SLC25A26: variants seen among roughly 807,000 people sequenced by gnomAD.
SLC25A26 encodes the protein solute carrier family 25 member 26.
SLC25A26 carries 36 observed loss-of-function variants against 37.8 expected under a neutral mutation model. The ratio of observed to expected loss-of-function variants is 0.95; its 90% CI spans 0.73 to 1.26. SLC25A26 has a LOEUF of 1.26. SLC25A26 is among the 50% of genes most tolerant of loss of function. The pLI is 0.00. For synonymous variants in SLC25A26, 129 were observed against 122.5 expected, an observed-to-expected ratio of 1.05 and a Z score of -0.35; for missense variants, 390 against 331.1, an observed-to-expected ratio of 1.18 and a Z score of -1.38.
At chr3:66,291,173 C>A (rs181248289) in intron 5 of SLC25A26, among the ~76,000 whole-genome samples, 1 of 151,956 alleles carries the variant, frequency 6.6e-6, no homozygotes, top group Non-Finnish European at 1.5e-5. Context: ...CCCTTTATCA[C>A]TTTTTATTGT....
At chr3:66,311,948 C>G (rs2075390653) in intron 5 of SLC25A26, among the ~76,000 whole-genome samples, 1 of 152,132 alleles carries the variant, frequency 6.6e-6, no homozygotes, top group African/African-American at 2.4e-5. Flanking sequence ...GGAGGTGTCT[C>G]CCCATCAGGA....
chr3:66,270,685 G>A (rs1056108368), intron 5 of SLC25A26, among the ~76,000 whole-genome samples: 2 of 152,104 alleles, frequency 1.3e-5, no homozygotes, highest in Non-Finnish European at 2.9e-5. Flanking sequence ...ATGAATGCTG[G>A]TTCATTTGAT....
At chr3:66,227,829 C>CA (rs2071827765) in intron 1 of SLC25A26, among the ~76,000 whole-genome samples, 2 of 152,034 alleles carry the variant, frequency 1.3e-5, no homozygotes, top group South Asian at 4.2e-4. Context: ...GTTATGATGG[C>CA]AGGGGTTCTT....
At chr3:66,173,245 T>C (rs1230314606) in intron 1 of SLC25A26, among the ~76,000 whole-genome samples, 1 of 152,108 alleles carries the variant, frequency 6.6e-6, no homozygotes, top group East Asian at 1.9e-4. Flanking sequence ...TGTCTGGGGA[T>C]TGGAAGATTC....
At chr3:66,300,206 C>G (rs1341821419) in intron 5 of SLC25A26, among the ~76,000 whole-genome samples, 1 of 150,364 alleles carries the variant, frequency 6.7e-6, no homozygotes, top group Non-Finnish European at 1.5e-5. Context: ...TAGCTTAAAT[C>G]CCGTTACAGT....
intron 1 of SLC25A26, among the ~76,000 whole-genome samples, chr3:66,150,623 T>TCATG: frequency 1.6e-5 from 1 of 63,322 alleles, no homozygotes; most frequent in African/African-American, 7.1e-5. Flanking sequence ...TATATATATA[T>TCATG]ATATATATAT....
intron 5 of SLC25A26, among the ~76,000 whole-genome samples, chr3:66,294,017 C>A (rs1401400435): frequency 6.6e-6 from 1 of 151,700 alleles, no homozygotes; most frequent in African/African-American, 2.4e-5. Flanking sequence ...TTTTTTGTTC[C>A]ATATGAATTT....
At chr3:66,164,076 A>G (rs2070394395) in intron 1 of SLC25A26, among the ~76,000 whole-genome samples, 2 of 152,224 alleles carry the variant, frequency 1.3e-5, no homozygotes, top group Non-Finnish European at 2.9e-5. Flanking sequence ...ATTAATACTT[A>G]AAACTTCATT....
At chr3:66,373,850 A>T (rs965817328) in intron 9 of SLC25A26, among the ~76,000 whole-genome samples, 2 of 152,084 alleles carry the variant, frequency 1.3e-5, no homozygotes, top group African/African-American at 4.8e-5. Context: ...CATTTTCCTT[A>T]GAAGTGCCAA....
chr3:66,180,605 G>C (rs1250215166), intron 1 of SLC25A26, among the ~76,000 whole-genome samples: 1 of 152,122 alleles, frequency 6.6e-6, no homozygotes, highest in Non-Finnish European at 1.5e-5. Context: ...GAGCTGCTTG[G>C]CATTATGGGA....
chr3:66,326,698 C>T lies in SLC25A26; in HGVS notation c.454-19666C>T, dbSNP rs576673460. Among the ~76,000 whole-genome samples, 4 of 152,300 alleles carry T rather than the reference C, an allele frequency of 2.6e-5. No individual in the cohort carries two copies. In the East Asian group the frequency reaches 7.7e-4, roughly 29 times the overall value. On this transcript the variant is annotated intron_variant, in intron 5 of 9. Coordinates refer to ENST00000354883, the MANE Select transcript of SLC25A26 (RefSeq NM_001379210.1). ...GTGCACGCACGCCTCTTGCTTCCTG[C>T]CTCCAATTTTCCACCCCCACACCCT... is the stretch of plus-strand genomic sequence containing the variant.
chr3:66,260,106 A>G (rs2073464238), intron 3 of SLC25A26, among the ~76,000 whole-genome samples: 1 of 152,070 alleles, frequency 6.6e-6, no homozygotes, highest in South Asian at 2.1e-4. Flanking sequence ...AAGGTTCTAT[A>G]ATGGTGTAAT....
At chr3:66,152,101 GA>G (rs2106693830) in intron 1 of SLC25A26, among the ~76,000 whole-genome samples, 1 of 152,274 alleles carries the variant, frequency 6.6e-6, no homozygotes, top group African/African-American at 2.4e-5. Flanking sequence ...CAGTGCTTGA[GA>G]GATCCGTTAT....
intron 6 of SLC25A26, among the ~76,000 whole-genome samples, chr3:66,352,629 G>GA (rs531163258): frequency 1.6e-4 from 25 of 151,904 alleles, no homozygotes; most frequent in African/African-American, 5.1e-4. Context: ...ATGATGTTTT[G>GA]AAATATATAA....
chr3:66,276,491 A>G (rs1440966991), intron 5 of SLC25A26, among the ~76,000 whole-genome samples: 1 of 152,142 alleles, frequency 6.6e-6, no homozygotes, highest in Non-Finnish European at 1.5e-5. Flanking sequence ...AGAGGATTCT[A>G]AAGGATAGAA....
chr3:66,143,586 T>TA (rs1036568942), intron 1 of SLC25A26, among the ~76,000 whole-genome samples: 29 of 150,856 alleles, frequency 1.9e-4, no homozygotes, highest in East Asian at 1.4e-3. Context: ...GTCCCTCGTT[T>TA]AAAAAAAAAA....
chr3:66,298,498 A>G (rs1290707688), intron 5 of SLC25A26, among the ~76,000 whole-genome samples: 1 of 152,200 alleles, frequency 6.6e-6, no homozygotes, highest in Non-Finnish European at 1.5e-5. Context: ...ATTATTTCAA[A>G]ACTGATGATT....
chr3:66,257,130 A>T (rs1405924746), intron 3 of SLC25A26, among the ~76,000 whole-genome samples: 2 of 152,136 alleles, frequency 1.3e-5, no homozygotes, highest in Non-Finnish European at 2.9e-5. Context: ...TAAGTAAAAA[A>T]CGTCAGATAA....
intron 1 of SLC25A26, among the ~76,000 whole-genome samples, chr3:66,194,152 A>G (rs2070998317): frequency 1.3e-5 from 2 of 152,244 alleles, no homozygotes; most frequent in Non-Finnish European, 1.5e-5. Flanking sequence ...GGGCTCATGG[A>G]CAGGAATCAA....
Sources: allele counts gnomAD v4.1 joint callset (sites outside exome capture counted in the v4.1 genomes callset), GRCh38; gene constraint gnomAD v4.1.1; transcripts MANE v1.5; gene names NCBI Gene and HGNC (gene_info 2026-07-23, HGNC 2026-07-21).